ASIC2: variants seen among roughly 807,000 people sequenced by gnomAD.
ASIC2 encodes acid sensing ion channel subunit 2, also known as acid-sensing ion channel 2.
ASIC2 carries 25 observed loss-of-function variants against 57.3 expected under a neutral mutation model. The observed-to-expected ratio is 0.44, with a 90% CI of 0.32 to 0.61. ASIC2 has a LOEUF of 0.61. Ranked by LOEUF, ASIC2 falls within the 20% of genes least tolerant of loss-of-function variation. The probability of loss-of-function intolerance (pLI) is 0.06; values close to 1 mark genes in which losing one functional copy is unlikely to be tolerated. For missense variants in ASIC2, 641 were observed against 738.1 expected, an observed-to-expected ratio of 0.87 and a Z score of 1.52; for synonymous variants, 319 against 307.5, an observed-to-expected ratio of 1.04 and a Z score of -0.39.
intron 1 of ASIC2, among the ~76,000 whole-genome samples, chr17:33,540,075 C>T (rs954696951): frequency 3.9e-5 from 6 of 152,124 alleles, no homozygotes; most frequent in African/African-American, 4.8e-5. Flanking sequence ...TCTCACAGTT[C>T]GGGAGGCTGG....
intron 7 of ASIC2, among the ~76,000 whole-genome samples, chr17:33,020,566 G>A (rs923038205): frequency 1.4e-4 from 22 of 152,180 alleles, no homozygotes; most frequent in Non-Finnish European, 2.8e-4. Context: ...TGAGTTTTGG[G>A]TTGGGCTGGG....
chr17:33,317,254 A>G (rs770765647), intron 1 of ASIC2, among the ~76,000 whole-genome samples: 3 of 152,142 alleles, frequency 2.0e-5, no homozygotes, highest in Non-Finnish European at 4.4e-5. Flanking sequence ...TTGTCAGAGT[A>G]CCAGGCATGC....
At chr17:33,371,051 T>A (rs184493273) in intron 1 of ASIC2, among the ~76,000 whole-genome samples, 1 of 152,380 alleles carries the variant, frequency 6.6e-6, no homozygotes, top group Non-Finnish European at 1.5e-5. Context: ...TGGGGAGATG[T>A]GCTTTGCTAT....
intron 1 of ASIC2, among the ~76,000 whole-genome samples, chr17:33,438,895 GC>G (rs1911726389): frequency 6.7e-6 from 1 of 149,528 alleles, no homozygotes; most frequent in African/African-American, 2.5e-5. Flanking sequence ...TGTTACACAG[GC>G]CAGTGGCACA....
chr17:33,966,439 T>C (rs995167818), intron 1 of ASIC2, among the ~76,000 whole-genome samples: 1 of 152,192 alleles, frequency 6.6e-6, no homozygotes, highest in Non-Finnish European at 1.5e-5. Flanking sequence ...ATAATGTATG[T>C]AAAGTAGCTT....
chr17:33,295,488 G>A (rs1905686191), upstream of ASIC2, among the ~76,000 whole-genome samples: 1 of 152,170 alleles, frequency 6.6e-6, no homozygotes, highest in Admixed American at 6.5e-5. Flanking sequence ...CTTATGCATT[G>A]CCTCCTAGGT....
intron 1 of ASIC2, among the ~76,000 whole-genome samples, chr17:33,738,489 G>A (rs975495179): frequency 4.6e-5 from 7 of 152,268 alleles, no homozygotes; most frequent in Middle Eastern, 3.4e-3. Context: ...TTACCCTCAG[G>A]TGGGATAATT....
At chr17:33,406,954 A>G (rs1187980329) in intron 1 of ASIC2, among the ~76,000 whole-genome samples, 2 of 152,238 alleles carry the variant, frequency 1.3e-5, no homozygotes, top group East Asian at 3.8e-4. Context: ...AGAAAGTGAA[A>G]CATTGTGGAA....
chr17:33,871,152 G>C (rs1024166611), intron 1 of ASIC2, among the ~76,000 whole-genome samples: 3 of 152,184 alleles, frequency 2.0e-5, no homozygotes. Context: ...GGCTCTCCCG[G>C]ATAGATGCCA....
At chr17:33,203,420 A>T (rs146399871) in intron 1 of ASIC2, among the ~76,000 whole-genome samples, 2 of 152,192 alleles carry the variant, frequency 1.3e-5, no homozygotes, top group East Asian at 3.8e-4. Flanking sequence ...AGCCCTCATA[A>T]GAAGAAACTG....
At chr17:33,138,374 A>G (rs2092374055) in intron 1 of ASIC2, among the ~76,000 whole-genome samples, 1 of 152,218 alleles carries the variant, frequency 6.6e-6, no homozygotes, top group Non-Finnish European at 1.5e-5. Context: ...TAAATTATCT[A>G]ACATTTAAGT....
chr17:33,871,294 C>A (rs1914398849), intron 1 of ASIC2, among the ~76,000 whole-genome samples: 1 of 152,166 alleles, frequency 6.6e-6, no homozygotes, highest in African/African-American at 2.4e-5. Context: ...ACCTTGAAGT[C>A]ATTAAAAGCC....
chr17:33,669,717 T>G (rs1490484029), intron 1 of ASIC2, among the ~76,000 whole-genome samples: 2 of 152,202 alleles, frequency 1.3e-5, no homozygotes, highest in Non-Finnish European at 2.9e-5. Context: ...ATGAAAACAT[T>G]AAACAAATGC....
In ASIC2 at chr17:33,013,902, C is replaced by A; in HGVS notation, c.*63G>T. 1 of 1,398,396 alleles carries A rather than the reference C, an allele frequency of 7.2e-7. No individual in the cohort carries two copies. The highest frequency in any genetic ancestry group is 9.9e-7 in the Non-Finnish European group (1 of 1,007,210). The allele number at this position is 1,398,396 out of a possible 1,614,324, so 86.6% of individuals were successfully genotyped here. On this transcript the variant is annotated 3_prime_UTR_variant, in exon 10 of 10. Coordinates refer to ENST00000225823, the MANE Select transcript of ASIC2 (RefSeq NM_183377.2). ...GGCCATCCCACCTGAGCTTGCTGTTCCTTGTCCTGGGTCTTGGGCCTCAAG... is the reference window on the plus strand; with the variant it reads ...GGCCATCCCACCTGAGCTTGCTGTTACTTGTCCTGGGTCTTGGGCCTCAAG...
chr17:34,011,953 T>C (rs1284694387), intron 1 of ASIC2, among the ~76,000 whole-genome samples: 1 of 152,156 alleles, frequency 6.6e-6, no homozygotes, highest in African/African-American at 2.4e-5. Flanking sequence ...TCAATAGCAG[T>C]CAGTTGGGCA....
chr17:33,502,965 A>T (rs979678627), intron 1 of ASIC2, among the ~76,000 whole-genome samples: 1 of 152,214 alleles, frequency 6.6e-6, no homozygotes, highest in Non-Finnish European at 1.5e-5. Context: ...TTTTCAAGGA[A>T]GGCACATTTG....
rs139384699 is a variant in ASIC2, at chr17:33,140,683, G to A, written c.709-28616C>T. Among the ~76,000 whole-genome samples, 485 of 152,336 alleles carry A rather than the reference G, an allele frequency of 3.2e-3. 4 individuals are homozygous for A. The highest frequency in any genetic ancestry group is 0.011 in the African/African-American group (466 of 41,570). The stretch of plus-strand genomic sequence containing the variant: ...TGAAACCCACAGGGGACCTGATTTG[G>A]GAAGCCTGGCAGCAAGTGTAAGACT... On this transcript the variant is annotated intron_variant, in intron 1 of 9. Coordinates refer to ENST00000225823, the MANE Select transcript of ASIC2 (RefSeq NM_183377.2).
intron 1 of ASIC2, among the ~76,000 whole-genome samples, chr17:33,524,259 T>C (rs1213086314): frequency 1.3e-4 from 20 of 152,224 alleles, no homozygotes; most frequent in Non-Finnish European, 7.3e-5. Flanking sequence ...ATAGAGACAC[T>C]GTGCATAGAA....
At chr17:33,059,976 T>G (rs1269887408) in intron 3 of ASIC2, among the ~76,000 whole-genome samples, 2 of 152,274 alleles carry the variant, frequency 1.3e-5, no homozygotes, top group Admixed American at 1.3e-4. Flanking sequence ...AAGTGTCTGT[T>G]CATATCCTTT....
Sources: allele counts gnomAD v4.1 joint callset (sites outside exome capture counted in the v4.1 genomes callset), GRCh38; gene constraint gnomAD v4.1.1; transcripts MANE v1.5; gene names NCBI Gene and HGNC (gene_info 2026-07-23, HGNC 2026-07-21).